Variants in VGLL4 observed in about 807,000 individuals in gnomAD.
VGLL4 encodes the protein transcription cofactor vestigial-like protein 4.
In VGLL4, 7 loss-of-function variants were observed where a neutral mutation model predicts 21.0. That is an observed-to-expected ratio of 0.33 (90% CI 0.19 to 0.63). The LOEUF (loss-of-function observed/expected upper bound fraction) is 0.63, where lower values mean the gene tolerates loss of function less well. VGLL4 is among the 20% of genes least tolerant of loss of function. The pLI is 0.78. For synonymous variants in VGLL4, 222 were observed against 173.2 expected (o/e 1.28, Z -2.21); for missense variants, 394 against 425.7 (o/e 0.93, Z 0.66).
intron 2 of VGLL4, among the ~76,000 whole-genome samples, chr3:11,659,273 A>G (rs1014581655): frequency 6.7e-6 from 1 of 150,176 alleles, no homozygotes; most frequent in Admixed American, 6.6e-5. Flanking sequence ...AGGCAGAGGG[A>G]GGACAAATCC....
intron 1 of VGLL4, among the ~76,000 whole-genome samples, chr3:11,634,633 C>A (rs1417247337): frequency 1.3e-5 from 2 of 152,040 alleles, no homozygotes; most frequent in Non-Finnish European, 2.9e-5. Context: ...GTGTTGCTCA[C>A]CATATGTGCA....
intron 2 of VGLL4, among the ~76,000 whole-genome samples, chr3:11,668,913 T>C (rs1247159321): frequency 1.8e-5 from 2 of 113,722 alleles, no homozygotes; most frequent in African/African-American, 8.4e-5. Context: ...TCCACACATT[T>C]TACATTTCAT....
intron 2 of VGLL4, among the ~76,000 whole-genome samples, chr3:11,599,154 C>A (rs1397948034): frequency 6.6e-6 from 1 of 152,158 alleles, no homozygotes; most frequent in Non-Finnish European, 1.5e-5. Context: ...AAACACAGTA[C>A]AAACAATGGT....
At chr3:11,644,064 G>GA (rs973055240), upstream of VGLL4, 22 of 915,810 alleles carry the variant, frequency 2.4e-5, no homozygotes, top group East Asian at 1.2e-4. Context: ...AGGGGAGGGG[G>GA]AGAGACTCTA....
At chr3:11,711,271 G>A (rs968263836) in intron 1 of VGLL4, among the ~76,000 whole-genome samples, 2 of 152,032 alleles carry the variant, frequency 1.3e-5, no homozygotes, top group Non-Finnish European at 2.9e-5. Context: ...CAGTCGTGGT[G>A]GTTCACCCCT....
chr3:11,670,110 T>C (rs1484446452), intron 2 of VGLL4, among the ~76,000 whole-genome samples: 1 of 150,742 alleles, frequency 6.6e-6, no homozygotes, highest in Non-Finnish European at 1.5e-5. Context: ...CATGTCTGTT[T>C]CTAAAACAAA....
At chr3:11,577,090 GCCAT>G (rs1394309692) in intron 2 of VGLL4, among the ~76,000 whole-genome samples, 1 of 152,170 alleles carries the variant, frequency 6.6e-6, no homozygotes, top group African/African-American at 2.4e-5. Flanking sequence ...CCAGGGCTGG[GCCAT>G]CCATGGCCCT....
intron 1 of VGLL4, 82 bp downstream of exon 1, chr3:11,643,355 G>C (rs2075732562): frequency 6.2e-7 from 1 of 1,606,432 alleles, no homozygotes; most frequent in African/African-American, 1.3e-5. Flanking sequence ...GACAGCGGGC[G>C]CTTAGAAGGC....
chr3:11,596,439 T>C (rs985331258), intron 2 of VGLL4, among the ~76,000 whole-genome samples: 3 of 152,202 alleles, frequency 2.0e-5, no homozygotes, highest in Non-Finnish European at 4.4e-5. Flanking sequence ...CTTCTGAAAC[T>C]ACCTGAAGTG....
chr3:11,575,660 T>C (rs2074016941), intron 2 of VGLL4, among the ~76,000 whole-genome samples: 1 of 152,164 alleles, frequency 6.6e-6, no homozygotes. Context: ...AAACTCTAAG[T>C]GATTTTAGTT....
chr3:11,696,462 G>A (rs2076608386), intron 2 of VGLL4, among the ~76,000 whole-genome samples: 1 of 152,220 alleles, frequency 6.6e-6, no homozygotes, highest in Non-Finnish European at 1.5e-5. Flanking sequence ...ACTCCGGCAT[G>A]TCTGAATATT....
chr3:11,562,192 C>T (rs1184388310), intron 3 of VGLL4, among the ~76,000 whole-genome samples: 1 of 152,212 alleles, frequency 6.6e-6, no homozygotes, highest in East Asian at 1.9e-4. Flanking sequence ...CCACTGTGCC[C>T]AGCCCTCAAT....
intron 2 of VGLL4, among the ~76,000 whole-genome samples, chr3:11,688,990 C>T (rs1033636464): frequency 3.9e-5 from 6 of 151,904 alleles, no homozygotes; most frequent in African/African-American, 1.5e-4. Context: ...ACACTACACT[C>T]TAGCCTGGGG....
intron 2 of VGLL4, among the ~76,000 whole-genome samples, chr3:11,681,282 A>T (rs1206607839): frequency 2.0e-5 from 3 of 152,154 alleles, no homozygotes; most frequent in Admixed American, 6.5e-5. Context: ...TATTTTTAGT[A>T]GAGACGGGGT....
chr3:11,581,488 T>C (rs1449257284), intron 2 of VGLL4, among the ~76,000 whole-genome samples: 2 of 152,184 alleles, frequency 1.3e-5, no homozygotes, highest in Non-Finnish European at 2.9e-5. Flanking sequence ...AGCAGTCACT[T>C]ACTCCACTCT....
chr3:11,643,658 T>A lies in VGLL4; in HGVS notation c.-140A>T. 1.4e-6 allele frequency: 2 copies of A among 1,426,954 alleles called. No homozygotes were observed. Among genetic ancestry groups the A allele is most frequent in the Non-Finnish European group, 1.8e-6 (2 of 1,098,236 alleles). 88.4% of individuals were successfully genotyped at this position (1,426,954 alleles called of 1,614,324 possible). A position where few individuals can be genotyped will look rare whatever the true frequency, so the allele number is the denominator to read the frequency against. ...CCAGCCTCAGACTATCAAAACAAAGTATGCAAAAGTTAAAAAAAAAAAAAT... is the reference window on the plus strand; with the variant it reads ...CCAGCCTCAGACTATCAAAACAAAGAATGCAAAAGTTAAAAAAAAAAAAAT... On this transcript the variant is annotated 5_prime_UTR_variant, in exon 1 of 5. Coordinates refer to ENST00000430365, the MANE Select transcript of VGLL4 (RefSeq NM_001128219.3).
intron 2 of VGLL4, among the ~76,000 whole-genome samples, chr3:11,691,032 C>T (rs2030065): frequency 0.52 from 79,045 of 151,520 alleles, 21,384 homozygotes; most frequent in Non-Finnish European, 0.61. Context: ...GTATCTAAAT[C>T]TCCACACAGA....
At chr3:11,624,434 G>T (rs1333168285) in intron 1 of VGLL4, among the ~76,000 whole-genome samples, 1 of 152,112 alleles carries the variant, frequency 6.6e-6, no homozygotes, top group African/African-American at 2.4e-5. Flanking sequence ...AGGCCGTCCT[G>T]GTTACCTCCT....
chr3:11,684,650 G>C (rs906756673), intron 2 of VGLL4, among the ~76,000 whole-genome samples: 2 of 151,692 alleles, frequency 1.3e-5, no homozygotes, highest in African/African-American at 4.8e-5. Flanking sequence ...CAAAGTGCTG[G>C]GATTACAGAT....
Sources: allele counts gnomAD v4.1 joint callset (sites outside exome capture counted in the v4.1 genomes callset), GRCh38; gene constraint gnomAD v4.1.1; transcripts MANE v1.5; gene names NCBI Gene and HGNC (gene_info 2026-07-23, HGNC 2026-07-21).